Variants in SLC35D1 observed in about 807,000 individuals in gnomAD.
The protein encoded by SLC35D1 is solute carrier family 35 member D1.
A neutral mutation model predicts 46.7 loss-of-function variants in SLC35D1; 31 were observed. The ratio of observed to expected loss-of-function variants is 0.66; its 90% CI spans 0.50 to 0.90. SLC35D1 has a LOEUF of 0.90. SLC35D1 is among the 40% of genes least tolerant of loss of function. The probability of loss-of-function intolerance (pLI) is 0.00; values close to 1 mark genes in which losing one functional copy is unlikely to be tolerated. For synonymous variants in SLC35D1, 195 were observed against 164.6 expected, an observed-to-expected ratio of 1.18 and a Z score of -1.41; for missense variants, 397 against 426.2, an observed-to-expected ratio of 0.93 and a Z score of 0.60.
chr1:67,032,983 T>C (rs1428792306), intron 8 of SLC35D1, among the ~76,000 whole-genome samples: 3 of 152,214 alleles, frequency 2.0e-5, no homozygotes, highest in South Asian at 2.1e-4. Flanking sequence ...CATAAATAAA[T>C]GAGAACACGT....
chr1:66,994,927 A>G (rs576695216), downstream of SLC35D1, among the ~76,000 whole-genome samples: 1 of 151,778 alleles, frequency 6.6e-6, no homozygotes, highest in Non-Finnish European at 1.5e-5. Flanking sequence ...AAAAGAAAAA[A>G]AAAAAAAAAG....
chr1:67,021,409 T>C (rs1570619014), intron 9 of SLC35D1, 126 bp downstream of exon 9: 1 of 979,870 alleles, frequency 1.0e-6, no homozygotes, highest in East Asian at 2.5e-5. Flanking sequence ...CACCTGAATC[T>C]GGAGGCTTAA....
intron 10 of SLC35D1, among the ~76,000 whole-genome samples, chr1:67,012,088 C>T (rs2102246203): frequency 6.6e-6 from 1 of 152,240 alleles, no homozygotes; most frequent in South Asian, 2.1e-4. Context: ...GGTGGCCAGT[C>T]TAAAAATGGC....
chr1:67,042,250 C>T lies in SLC35D1; in HGVS notation c.715G>A (p.Gly239Arg), dbSNP rs762841150. Residue 239 changes from glycine (G) to arginine (R), a missense_variant, in exon 8 of 12, where the codon GGA becomes AGA. Physicochemically the swap from Gly to Arg is moderately radical, Grantham distance 125 (BLOSUM62 -2). Transcript: ENST00000235345. ...GAAAGTCCTACCTTTTGTGCATCTC[C>T]TGTGAAATACGCAATGGCCAGGGTG... ...LPTLAIAYFTGDAQKAVEFEG... is the reference protein window; with the variant it reads ...LPTLAIAYFTRDAQKAVEFEG... 5 of 1,614,126 alleles carry T rather than the reference C, an allele frequency of 3.1e-6. No individual in the cohort carries two copies. The Admixed American group carries it at 8.3e-5, about 27-fold the overall frequency.
chr1:67,007,542 A>T (rs1667476892), intron 11 of SLC35D1, among the ~76,000 whole-genome samples: 1 of 152,232 alleles, frequency 6.6e-6, no homozygotes, highest in Admixed American at 6.5e-5. Context: ...TGAGGCAACA[A>T]TAAAATATAT....
chr1:66,995,621 C>T (rs1237805163), downstream of SLC35D1, among the ~76,000 whole-genome samples: 2 of 151,802 alleles, frequency 1.3e-5, no homozygotes, highest in Admixed American at 6.6e-5. Flanking sequence ...GATGAGGGGA[C>T]GTACTATAAC....
chr1:66,986,418 T>G, the SLC35D1 span: 1 of 1,613,362 alleles, frequency 6.2e-7, no homozygotes, highest in Non-Finnish European at 8.5e-7. Flanking sequence ...CTCCAAATGC[T>G]TCTTCCAGTT....
In SLC35D1 at chr1:67,020,174, T is replaced by G. The variant is rs184189103; in HGVS notation, c.876+195A>C. Among the ~76,000 whole-genome samples the G allele has an allele frequency of 2.9e-3, 445 of 152,320 alleles. 2 individuals are homozygous for G. Among genetic ancestry groups the G allele is most frequent in the Middle Eastern group, 0.014 (4 of 294 alleles). The stretch of plus-strand genomic sequence containing the variant: ...TTTCCCATGCTCTTCAGAGCTAAGC[T>G]GCCTCCAAGTAGAGACTATGCCCTC... On this transcript the variant is annotated intron_variant, in intron 10 of 11. Transcript: ENST00000235345.
Position 67,054,037 on chromosome 1 carries a change from G to A in SLC35D1, c.-24C>T, listed in dbSNP as rs760859292. The stretch of plus-strand genomic sequence containing the variant: ...ATGGCTGCCGCAGCAGCGGTGGCCT[G>A]GCGGCGGGGCCTAGCGGCTCGGGGG... On this transcript the variant is annotated 5_prime_UTR_variant, in exon 1 of 12. Transcript: ENST00000235345. 6.2e-7 allele frequency: 1 copy of A among 1,603,608 alleles called. No homozygotes were observed. The highest frequency in any genetic ancestry group is 1.1e-5 in the South Asian group (1 of 90,050).
intron 7 of SLC35D1, among the ~76,000 whole-genome samples, chr1:67,044,057 T>C (rs1049919623): frequency 3.9e-4 from 60 of 152,310 alleles, no homozygotes; most frequent in Admixed American, 2.4e-3. Flanking sequence ...CTGATTAGGC[T>C]GGGTGCAGTG....
rs768114492 is a variant in SLC35D1, at chr1:67,004,442, A to G, written c.966T>C (p.Ala322=). 5 of 1,613,908 alleles carry G rather than the reference A, an allele frequency of 3.1e-6. No individual in the cohort carries two copies. The South Asian group carries it at 4.4e-5, about 14-fold the overall frequency. ...TGATATAGGAATATACCAGGCTCCC[A>G]GCAATGCTGCAAAACAGAAAGCCAC... is the stretch of plus-strand genomic sequence containing the variant. ...TNFIGLNISI[A]GSLVYSYITF... The change falls in exon 12 of 12, where the codon GCT becomes GCC. Residue 322 remains alanine (A), a synonymous_variant. Coordinates refer to ENST00000235345, the MANE Select transcript of SLC35D1 (RefSeq NM_015139.3).
intron 8 of SLC35D1, among the ~76,000 whole-genome samples, chr1:67,032,700 A>AT (rs1668042104): frequency 6.6e-6 from 1 of 152,074 alleles, no homozygotes; most frequent in African/African-American, 2.4e-5. Context: ...AACAATAATC[A>AT]CCATCATCAC....
At chr1:66,984,421 G>T in the SLC35D1 span, 1 of 529,108 alleles carries the variant, frequency 1.9e-6, no homozygotes, top group Non-Finnish European at 3.3e-6. Flanking sequence ...TTTGCCTAAG[G>T]CGACATAGCT....
At chr1:67,028,283 T>C (rs1667953188) in intron 8 of SLC35D1, among the ~76,000 whole-genome samples, 1 of 152,206 alleles carries the variant, frequency 6.6e-6, no homozygotes, top group African/African-American at 2.4e-5. Context: ...ATATACCCAA[T>C]GTGCACTTGA....
Position 67,053,083 on chromosome 1 carries a change from C to A in SLC35D1, c.204-94G>T, listed in dbSNP as rs1025414502. ...ACATCGGCAACGTTAATAAGGCATT[C>A]CGATACAAGCCACATCAACGTCCGC... On this transcript the variant is annotated intron_variant, in intron 1 of 11. Coordinates refer to ENST00000235345, the MANE Select transcript of SLC35D1 (RefSeq NM_015139.3). 2.4e-5 allele frequency: 32 copies of A among 1,361,698 alleles called. No individual in the cohort carries two copies. In the African/African-American group the frequency reaches 2.6e-4, roughly 11 times the overall value. The allele number at this position is 1,361,698 out of a possible 1,614,324, so 84.4% of individuals were successfully genotyped here. A position where few individuals can be genotyped will look rare whatever the true frequency, so the allele number is the denominator to read the frequency against.
intron 8 of SLC35D1, among the ~76,000 whole-genome samples, chr1:67,034,509 T>C (rs564107006): frequency 5.5e-4 from 83 of 152,206 alleles, no homozygotes; most frequent in Non-Finnish European, 1.1e-3. Context: ...TATAGCCATA[T>C]GGAAATGCCA....
chr1:67,050,336 G>T, intron 5 of SLC35D1, 97 bp downstream of exon 5: 2 of 924,226 alleles, frequency 2.2e-6, no homozygotes, highest in South Asian at 1.5e-5. Flanking sequence ...TTCTCAAAAG[G>T]TAAGGTAGGA....
intron 7 of SLC35D1, among the ~76,000 whole-genome samples, chr1:67,046,732 T>G (rs1224882003): frequency 1.3e-5 from 2 of 152,160 alleles, no homozygotes; most frequent in East Asian, 3.8e-4. Context: ...ATAATATATT[T>G]AAAGTATATA....
chr1:67,035,499 A>G, intron 8 of SLC35D1, among the ~76,000 whole-genome samples: 1 of 152,078 alleles, frequency 6.6e-6, no homozygotes, highest in East Asian at 1.9e-4. Flanking sequence ...CATAGTAGCC[A>G]ATAATGATCT....
Sources: gnomAD v4.1 joint callset for allele counts (sites outside exome capture counted in the v4.1 genomes callset) on GRCh38, gnomAD v4.1.1 for gene constraint, MANE v1.5 for transcripts, NCBI Gene and HGNC (gene_info 2026-07-23, HGNC 2026-07-21) for gene names.